Variants in SCG3 observed in about 807,000 individuals in gnomAD.
SCG3 encodes the protein secretogranin III.
In SCG3, 38 loss-of-function variants were observed where a neutral mutation model predicts 56.2. The observed-to-expected ratio is 0.68, with a 90% CI of 0.52 to 0.89. SCG3 has a LOEUF of 0.89. Ranked by LOEUF, SCG3 falls within the 40% of genes least tolerant of loss-of-function variation. SCG3 has a pLI of 0.00. For synonymous variants in SCG3, 176 were observed against 184.2 expected (o/e 0.96, Z 0.36); for missense variants, 524 against 540.7 (o/e 0.97, Z 0.31).
intron 11 of SCG3, among the ~76,000 whole-genome samples, chr15:51,714,180 G>T (rs1242177219): frequency 1.3e-5 from 2 of 152,192 alleles, no homozygotes; most frequent in African/African-American, 4.8e-5. Context: ...GTGGAGAAGA[G>T]CAGCATATAG....
rs1403891223 is a variant in SCG3 at position 51,688,402 on chromosome 15, T to C, written c.540T>C (p.Leu180=). Reference sequence around the variant, plus strand: ...TTTCTAAACTACTTAATCTCGGCCTTGTAAGTCATTTGGTAGGAAATAAAC... The same window carrying C: ...TTTCTAAACTACTTAATCTCGGCCTCGTAAGTCATTTGGTAGGAAATAAAC... ...KIVSKLLNLG[L]ITESQAHTLE... Residue 180 remains leucine (L), a splice_region_variant and synonymous_variant, in exon 5 of 12, where the codon CTT becomes CTC. Transcript: ENST00000220478. 1 of 1,612,588 alleles carries C rather than the reference T, an allele frequency of 6.2e-7. No homozygotes were observed. Among genetic ancestry groups the C allele is most frequent in the African/African-American group, 1.3e-5 (1 of 74,886 alleles).
chr15:51,711,714 G>T (rs1029375031), intron 10 of SCG3, among the ~76,000 whole-genome samples: 27 of 152,270 alleles, frequency 1.8e-4, no homozygotes, highest in African/African-American at 5.5e-4. Flanking sequence ...TGAACTCCTG[G>T]CCTCAAACAA....
chr15:51,697,012 A>C (rs1264480859), intron 8 of SCG3, among the ~76,000 whole-genome samples: 2 of 152,160 alleles, frequency 1.3e-5, no homozygotes, highest in African/African-American at 2.4e-5. Context: ...CCTTGACTGT[A>C]AAAGAGCATA....
At chr15:51,686,839 A>G (rs892592424) in intron 4 of SCG3, among the ~76,000 whole-genome samples, 13 of 152,108 alleles carry the variant, frequency 8.5e-5, no homozygotes, top group Non-Finnish European at 1.5e-4. Flanking sequence ...CCAGTCCTCC[A>G]TGTATAATTA....
At chr15:51,717,860 T>G (rs756054222) in intron 11 of SCG3, among the ~76,000 whole-genome samples, 1 of 152,192 alleles carries the variant, frequency 6.6e-6, no homozygotes, top group Non-Finnish European at 1.5e-5. Flanking sequence ...GGAATGTGAT[T>G]GGACAAAAAG....
intron 7 of SCG3, among the ~76,000 whole-genome samples, chr15:51,694,688 AT>A (rs1420988227): frequency 6.6e-6 from 1 of 152,210 alleles, no homozygotes; most frequent in East Asian, 1.9e-4. Context: ...TTATGGCATC[AT>A]TATCCATTTT....
At chr15:51,701,006 G>A in intron 9 of SCG3, 101 bp from the exon 10 acceptor site, 1 of 1,455,156 alleles carries the variant, frequency 6.9e-7, no homozygotes, top group Non-Finnish European at 9.4e-7. Context: ...AATATGATCT[G>A]AGCTCAAACT....
At position 51,683,119 on chromosome 15, in the gene SCG3, C is replaced by T. The variant is rs2055205359; in HGVS notation, c.176C>T (p.Pro59Leu). ...GAAGACAAGATTAAAAAAACATATCCTCCAGGTAAAAAGAAATCATATTGA... is the reference window on the plus strand; with the variant it reads ...GAAGACAAGATTAAAAAAACATATCTTCCAGGTAAAAAGAAATCATATTGA... ...AEEDKIKKTY[P>L]PENKPGQSNY... The change falls in exon 3 of 12, where the codon CCT (proline) becomes CTT (leucine). Residue 59 changes from proline (P) to leucine (L), a missense_variant. Pro to Leu is a moderately conservative substitution (Grantham distance 98, BLOSUM62 -3). Coordinates refer to ENST00000220478, the MANE Select transcript of SCG3 (RefSeq NM_013243.4). The T allele has an allele frequency of 5.0e-6, 8 of 1,608,868 alleles. No individual in the cohort carries two copies. Among genetic ancestry groups the T allele is most frequent in the Non-Finnish European group, 6.8e-6 (8 of 1,177,466 alleles).
intron 8 of SCG3, among the ~76,000 whole-genome samples, chr15:51,698,285 C>G (rs976035958): frequency 3.3e-5 from 5 of 152,106 alleles, no homozygotes. Flanking sequence ...AGCTATGTGG[C>G]TGGTTTAATA....
rs749266652 is a variant in SCG3 at position 51,689,406 on chromosome 15, T to G, written c.690+38T>G. On this transcript the variant is annotated intron_variant, in intron 6 of 11. Coordinates refer to ENST00000220478, the MANE Select transcript of SCG3 (RefSeq NM_013243.4). ...ATATATGCATATGCATGGGGGTGTG[T>G]GTGTGTGTGTGTGTGTGTGTGTGTG... The G allele has an allele frequency of 2.8e-6, 4 of 1,422,518 alleles. No homozygotes were observed. The African/African-American group carries it at 4.3e-5, about 15-fold the overall frequency. The allele number at this position is 1,422,518 out of a possible 1,614,324, so 88.1% of individuals were successfully genotyped here.
intron 10 of SCG3, among the ~76,000 whole-genome samples, chr15:51,709,752 G>T (rs1428937548): frequency 1.1e-5 from 1 of 93,308 alleles, no homozygotes; most frequent in Non-Finnish European, 1.9e-5. Flanking sequence ...ACAGAGTCTC[G>T]CTCTGTCGCC....
intron 6 of SCG3, among the ~76,000 whole-genome samples, chr15:51,689,609 A>G (rs2055253876): frequency 1.3e-5 from 2 of 152,002 alleles, no homozygotes. Context: ...TGGCAACATA[A>G]TGAGACCCCC....
chr15:51,682,710 G>T, intron 2 of SCG3, 141 bp downstream of exon 2: 1 of 593,648 alleles, frequency 1.7e-6, no homozygotes. Context: ...AATTAGGACG[G>T]GAAATCTAGT....
chr15:51,712,532 A>T (rs1327821980), intron 10 of SCG3, among the ~76,000 whole-genome samples: 1 of 152,204 alleles, frequency 6.6e-6, no homozygotes, highest in Admixed American at 6.5e-5. Context: ...AGCTAAGCAG[A>T]TCAGAGTCCA....
chr15:51,709,437 G>A (rs890907163), intron 10 of SCG3, among the ~76,000 whole-genome samples: 1 of 151,732 alleles, frequency 6.6e-6, no homozygotes, highest in African/African-American at 2.4e-5. Context: ...CTGAGCCTTA[G>A]TTTCTTCATG....
chr15:51,688,749 C>T (rs1431813517), intron 5 of SCG3, among the ~76,000 whole-genome samples: 6 of 152,130 alleles, frequency 3.9e-5, no homozygotes, highest in Admixed American at 3.9e-4. Flanking sequence ...AGGTAAAAGA[C>T]ATGTATGTGA....
intron 10 of SCG3, among the ~76,000 whole-genome samples, chr15:51,702,191 A>T (rs1188445710): frequency 6.6e-6 from 1 of 152,208 alleles, no homozygotes; most frequent in African/African-American, 2.4e-5. Context: ...CAATATATCA[A>T]ATTTCCTTAA....
intron 7 of SCG3, 182 bp from the exon 8 acceptor site, chr15:51,695,693 T>C (rs1420503582): frequency 2.1e-5 from 11 of 534,408 alleles, no homozygotes; most frequent in Non-Finnish European, 2.9e-5. Flanking sequence ...GAGACTGTAG[T>C]GAGCCATGAT....
intron 7 of SCG3, 76 bp downstream of exon 7, chr15:51,692,412 C>A: frequency 7.4e-7 from 1 of 1,354,554 alleles, no homozygotes; most frequent in Non-Finnish European, 1.0e-6. Context: ...TTCTTTTCTT[C>A]CTGTTTTCAG....
Sources: allele counts gnomAD v4.1 joint callset (sites outside exome capture counted in the v4.1 genomes callset), GRCh38; gene constraint gnomAD v4.1.1; transcripts MANE v1.5; gene names NCBI Gene and HGNC (gene_info 2026-07-23, HGNC 2026-07-21).